ABCA13: variants seen among roughly 807,000 people sequenced by gnomAD.
ABCA13 encodes ATP-binding cassette sub-family A member 13.
In ABCA13, 476 loss-of-function variants were observed where a neutral mutation model predicts 478.7. The observed-to-expected ratio is 0.99, with a 90% CI of 0.92 to 1.07. The LOEUF (loss-of-function observed/expected upper bound fraction) is 1.07. Ranked by LOEUF, ABCA13 falls within the 50% of genes least tolerant of loss-of-function variation. The pLI, the probability that ABCA13 is intolerant of heterozygous loss-of-function variation, is 0.00. For synonymous variants in ABCA13, 2,252 were observed against 2,158.9 expected (o/e 1.04, Z -1.20); for missense variants, 6,060 against 5,910.6 (o/e 1.03, Z -0.83).
chr7:48,606,640 G>A (rs1248780512), intron 58 of ABCA13, among the ~76,000 whole-genome samples: 1 of 152,144 alleles, frequency 6.6e-6, no homozygotes, highest in African/African-American at 2.4e-5. Flanking sequence ...CCTGTATTAG[G>A]TGTCTGTCAG....
At chr7:48,387,781 A>G (rs1439442036) in intron 35 of ABCA13, 41 bp from the exon 36 acceptor site, 1 of 1,454,402 alleles carries the variant, frequency 6.9e-7, no homozygotes, top group East Asian at 2.5e-5. Flanking sequence ...ACCTTCATCT[A>G]AATAAAAAAT....
chr7:48,277,677 T>C (rs1796480533), intron 17 of ABCA13, among the ~76,000 whole-genome samples: 1 of 152,218 alleles, frequency 6.6e-6, no homozygotes, highest in Non-Finnish European at 1.5e-5. Context: ...TGTTGATACA[T>C]CTGTCTGAGC....
At chr7:48,198,784 A>C (rs989592963) in intron 3 of ABCA13, among the ~76,000 whole-genome samples, 5 of 152,242 alleles carry the variant, frequency 3.3e-5, no homozygotes, top group African/African-American at 1.2e-4. Context: ...GAGGGAAAAT[A>C]AAACTGGGCA....
At chr7:48,411,506 C>A (rs1478073123) in intron 40 of ABCA13, among the ~76,000 whole-genome samples, 1 of 152,038 alleles carries the variant, frequency 6.6e-6, no homozygotes, top group Admixed American at 6.6e-5. Flanking sequence ...TGGGGTTTTA[C>A]CATGTTGGCC....
chr7:48,481,965 T>G (rs537285589), intron 46 of ABCA13, among the ~76,000 whole-genome samples: 14 of 152,306 alleles, frequency 9.2e-5, no homozygotes, highest in Non-Finnish European at 1.9e-4. Context: ...AACACTGTGA[T>G]AGAAGAGAAG....
chr7:48,337,624 A>G (rs536738696), intron 28 of ABCA13, among the ~76,000 whole-genome samples: 1 of 152,334 alleles, frequency 6.6e-6, no homozygotes, highest in South Asian at 2.1e-4. Flanking sequence ...AAATTGGCAA[A>G]TTCCAAAATT....
At chr7:48,407,213 C>T (rs1397018600) in intron 39 of ABCA13, among the ~76,000 whole-genome samples, 1 of 152,032 alleles carries the variant, frequency 6.6e-6, no homozygotes, top group Non-Finnish European at 1.5e-5. Context: ...GTGGCTTATG[C>T]CTGTAATACC....
At chr7:48,190,856 T>G (rs1027170867) in intron 1 of ABCA13, among the ~76,000 whole-genome samples, 2 of 152,202 alleles carry the variant, frequency 1.3e-5, no homozygotes. Flanking sequence ...TCTGTACTTT[T>G]AAAATTTCTT....
rs531872188 is a variant in ABCA13, at chr7:48,546,864, C to G, written c.14354+18519C>G. Among the ~76,000 whole-genome samples, 13 of 151,832 alleles carry G rather than the reference C, an allele frequency of 8.6e-5. No homozygotes were observed. In the East Asian group the frequency reaches 2.5e-3, roughly 29 times the overall value. ...CATTTATTGCTTTTAAATGTTTCAT[C>G]TTCCTTTAGACTAATATGAATCACA... On this transcript the variant is annotated intron_variant, in intron 55 of 61. Coordinates refer to ENST00000435803, the MANE Select transcript of ABCA13 (RefSeq NM_152701.5).
chr7:48,259,237 G>A (rs1397490682), intron 15 of ABCA13, among the ~76,000 whole-genome samples: 5 of 152,098 alleles, frequency 3.3e-5, no homozygotes, highest in African/African-American at 1.2e-4. Context: ...GGTTGTGTAA[G>A]TTTCATTGTA....
At chr7:48,257,751 C>G (rs73341748) in intron 15 of ABCA13, among the ~76,000 whole-genome samples, 6,668 of 152,054 alleles carry the variant, frequency 0.044, 368 homozygotes, top group African/African-American at 0.13. Flanking sequence ...AGCATACTGG[C>G]CTGAAATTTT....
At chr7:48,414,737 A>AGACT (rs1819742621) in intron 41 of ABCA13, among the ~76,000 whole-genome samples, 1 of 152,060 alleles carries the variant, frequency 6.6e-6, no homozygotes, top group Non-Finnish European at 1.5e-5. Context: ...CAAGTAGCTG[A>AGACT]GACTATAGGT....
At chr7:48,240,050 TTATCAG>T (rs1790578134) in intron 9 of ABCA13, among the ~76,000 whole-genome samples, 1 of 152,216 alleles carries the variant, frequency 6.6e-6, no homozygotes, top group Non-Finnish European at 1.5e-5. Flanking sequence ...CCCATTTGTT[TTATCAG>T]GCTTTGCCGT....
At chr7:48,422,479 TGTAC>T (rs1205486012) in intron 41 of ABCA13, among the ~76,000 whole-genome samples, 1 of 152,198 alleles carries the variant, frequency 6.6e-6, no homozygotes, top group Non-Finnish European at 1.5e-5. Context: ...ATCTTCCCCT[TGTAC>T]GAATAAGCAA....
intron 15 of ABCA13, among the ~76,000 whole-genome samples, chr7:48,267,422 T>C (rs1236388060): frequency 2.0e-5 from 3 of 152,166 alleles, no homozygotes; most frequent in African/African-American, 7.2e-5. Flanking sequence ...TATGTTATCA[T>C]CTGAAACCTA....
At chr7:48,491,911 G>C (rs1254639142) in intron 48 of ABCA13, among the ~76,000 whole-genome samples, 1 of 152,154 alleles carries the variant, frequency 6.6e-6, no homozygotes, top group Non-Finnish European at 1.5e-5. Context: ...CTTGCTCCCT[G>C]TTCGTCTCAG....
intron 59 of ABCA13, among the ~76,000 whole-genome samples, chr7:48,620,654 T>C (rs2131590579): frequency 6.6e-6 from 1 of 152,304 alleles, no homozygotes. Flanking sequence ...TGGAACACAC[T>C]AGGAAACCTA....
chr7:48,206,485 A>G (rs1226514048), intron 3 of ABCA13, among the ~76,000 whole-genome samples: 1 of 152,206 alleles, frequency 6.6e-6, no homozygotes, highest in Non-Finnish European at 1.5e-5. Flanking sequence ...TTGCCTAAGA[A>G]TGCATTTCCC....
At chr7:48,349,526 A>T (rs993937491) in intron 29 of ABCA13, among the ~76,000 whole-genome samples, 2 of 152,136 alleles carry the variant, frequency 1.3e-5, no homozygotes, top group African/African-American at 4.8e-5. Context: ...GTAGTTTCTT[A>T]TTCAGGGCTG....
Sources: gnomAD v4.1 joint callset for allele counts (sites outside exome capture counted in the v4.1 genomes callset) on GRCh38, gnomAD v4.1.1 for gene constraint, MANE v1.5 for transcripts, NCBI Gene and HGNC (gene_info 2026-07-23, HGNC 2026-07-21) for gene names.